SVOP: variants seen among roughly 807,000 people sequenced by gnomAD.
SVOP encodes the protein SV2 related protein.
A neutral mutation model predicts 69.1 loss-of-function variants in SVOP; 17 were observed. The ratio of observed to expected loss-of-function variants is 0.25; its 90% CI spans 0.17 to 0.37. SVOP has a LOEUF of 0.37. Ranked by LOEUF, SVOP falls within the 10% of genes least tolerant of loss-of-function variation. SVOP has a pLI of 1.00. For synonymous variants in SVOP, 238 were observed against 238.6 expected, an observed-to-expected ratio of 1.00 and a Z score of 0.02; for missense variants, 435 against 597.5, an observed-to-expected ratio of 0.73 and a Z score of 2.84.
Position 108,912,445 on chromosome 12 carries a change from T to C in SVOP, c.*90A>G, listed in dbSNP as rs1005039684. ...GTCATACTCTTGGGTGAGTTCTTGA[T>C]GTCGGCAGTGACAATCAGTGCCCCA... On this transcript the variant is annotated 3_prime_UTR_variant, in exon 16 of 16. Transcript: ENST00000610966. 4 of 1,583,312 alleles carry C rather than the reference T, an allele frequency of 2.5e-6. No individual in the cohort carries two copies. The highest frequency in any genetic ancestry group is 2.6e-6 in the Non-Finnish European group (3 of 1,162,606).
intron 3 of SVOP, 44 bp from the exon 4 acceptor site, chr12:108,977,540 G>A (rs749383137): frequency 7.1e-7 from 1 of 1,399,186 alleles, no homozygotes; most frequent in Admixed American, 2.0e-5. Context: ...ATGCTGCTTG[G>A]TGCTGGGGAA....
intron 9 of SVOP, 119 bp from the exon 10 acceptor site, chr12:108,937,456 C>T: frequency 2.1e-6 from 2 of 954,508 alleles, no homozygotes; most frequent in Non-Finnish European, 3.4e-6. Flanking sequence ...AAGTAGGACA[C>T]TGGAGCTCTG....
intron 1 of SVOP, among the ~76,000 whole-genome samples, chr12:109,010,383 A>T (rs2040335331): frequency 6.6e-6 from 1 of 152,216 alleles, no homozygotes; most frequent in Non-Finnish European, 1.5e-5. Flanking sequence ...AGAAGACTTT[A>T]GCTGGGGCTG....
At chr12:108,962,889 T>C (rs1418948895) in intron 5 of SVOP, among the ~76,000 whole-genome samples, 3 of 151,698 alleles carry the variant, frequency 2.0e-5, no homozygotes, top group African/African-American at 4.8e-5. Context: ...TGCTTGAACC[T>C]GGGAGGTGGA....
chr12:109,013,318 G>A (rs2040351992), intron 1 of SVOP, among the ~76,000 whole-genome samples: 1 of 151,854 alleles, frequency 6.6e-6, no homozygotes, highest in South Asian at 2.1e-4. Flanking sequence ...GGTATTGGAG[G>A]ATAGAGGAAG....
Position 108,985,824 on chromosome 12 carries a change from C to T in SVOP, c.36-2063G>A, listed in dbSNP as rs373357942. On this transcript the variant is annotated intron_variant, in intron 1 of 15. Transcript: ENST00000610966. ...TTCAAAATACTGCTATTATTATTAA[C>T]GATTGCATCATTCCATGTATTTCAC... is the stretch of plus-strand genomic sequence containing the variant. Among the ~76,000 whole-genome samples, 150 of 152,282 alleles carry T rather than the reference C, an allele frequency of 9.9e-4. 6 individuals carry two copies. The South Asian group carries it at 0.03, about 31-fold the overall frequency.
intron 1 of SVOP, among the ~76,000 whole-genome samples, chr12:108,991,779 A>C (rs945032025): frequency 1.6e-3 from 53 of 33,036 alleles, no homozygotes; most frequent in Non-Finnish European, 6.7e-3. Flanking sequence ...CTCTACAAAA[A>C]AAAACAAAAA....
rs900733785 is a variant in SVOP, at chr12:108,911,779, G to T, written c.*756C>A. On this transcript the variant is annotated 3_prime_UTR_variant, in exon 16 of 16. Transcript: ENST00000610966. The stretch of plus-strand genomic sequence containing the variant: ...TGGCCTTCGCTGCTTCAGAAGGGGA[G>T]GCCCGTGCTCTGACTTCAGCTTGAT... 1.3e-5 allele frequency: 2 copies of T among 152,392 alleles called. No homozygotes were observed. The highest frequency in any genetic ancestry group is 1.3e-4 in the Admixed American group (2 of 15,290). The allele number at this position is 152,392 out of a possible 1,614,324, so 9.4% of individuals were successfully genotyped here.
intron 6 of SVOP, among the ~76,000 whole-genome samples, chr12:108,950,031 T>C (rs903788079): frequency 6.6e-6 from 1 of 152,176 alleles, no homozygotes; most frequent in East Asian, 1.9e-4. Context: ...TAAGACAATA[T>C]GGAAATCTTT....
intron 5 of SVOP, among the ~76,000 whole-genome samples, chr12:108,968,274 C>T (rs2040058420): frequency 6.6e-6 from 1 of 152,196 alleles, no homozygotes; most frequent in African/African-American, 2.4e-5. Flanking sequence ...GTGAACAAAA[C>T]AAATGCAGCC....
chr12:108,949,600 A>T (rs144221349), intron 6 of SVOP, among the ~76,000 whole-genome samples: 135 of 152,200 alleles, frequency 8.9e-4, no homozygotes, highest in African/African-American at 3.2e-3. Flanking sequence ...TCTATGAAAA[A>T]AATAAATACA....
At chr12:108,927,585 CTCTCTTTT>C (rs1166731521) in intron 11 of SVOP, among the ~76,000 whole-genome samples, 2 of 115,720 alleles carry the variant, frequency 1.7e-5, no homozygotes, top group Non-Finnish European at 3.7e-5. Flanking sequence ...GACTCTCTCT[CTCTCTTTT>C]TTTTTTTTTT....
intron 1 of SVOP, among the ~76,000 whole-genome samples, chr12:109,020,544 C>T (rs1691228945): frequency 6.6e-6 from 1 of 152,182 alleles, no homozygotes. Flanking sequence ...AAGCTCACAT[C>T]TGAAAATCCT....
chr12:108,977,410 T>A lies in SVOP; in HGVS notation c.369A>T (p.Ala123=). 6.5e-7 allele frequency: 1 copy of A among 1,537,138 alleles called. No individual in the cohort carries two copies. Among genetic ancestry groups the A allele is most frequent in the Non-Finnish European group, 8.7e-7 (1 of 1,146,874 alleles). The change falls in exon 4 of 16, where the codon GCA becomes GCT. Residue 123 remains alanine, a synonymous_variant. Coordinates refer to ENST00000610966, the MANE Select transcript of SVOP (RefSeq NM_018711.5). The part of the protein sequence containing the change: ...CEWRLPSWQV[A]LLTSVVFVGM... ...CTGGGCTGCCTACCGAGGTCAGCAATGCCACCTGCCAGCTTGGGAGCCTCC... is the reference window on the plus strand; with the variant it reads ...CTGGGCTGCCTACCGAGGTCAGCAAAGCCACCTGCCAGCTTGGGAGCCTCC...
intron 7 of SVOP, among the ~76,000 whole-genome samples, chr12:108,943,883 CTTCT>C (rs1341556038): frequency 6.9e-6 from 1 of 144,722 alleles, no homozygotes; most frequent in African/African-American, 2.5e-5. Flanking sequence ...TCTTCTTCTT[CTTCT>C]TTCTTTTTTT....
intron 1 of SVOP, among the ~76,000 whole-genome samples, chr12:109,011,495 G>A (rs768521394): frequency 2.6e-5 from 4 of 152,152 alleles, no homozygotes; most frequent in South Asian, 2.1e-4. Context: ...GGTCTCAGGC[G>A]GATGGGAGCC....
chr12:109,004,574 T>A (rs896698338), intron 1 of SVOP, among the ~76,000 whole-genome samples: 25 of 151,216 alleles, frequency 1.7e-4, no homozygotes, highest in African/African-American at 5.8e-4. Flanking sequence ...CTCAGCATAT[T>A]TTTTTTTAAT....
At chr12:108,973,135 C>A (rs2040088427) in intron 4 of SVOP, among the ~76,000 whole-genome samples, 2 of 152,162 alleles carry the variant, frequency 1.3e-5, no homozygotes, top group South Asian at 4.1e-4. Context: ...TCTTCCCTCT[C>A]CAAGTGCCAG....
intron 2 of SVOP, among the ~76,000 whole-genome samples, chr12:108,980,643 A>G (rs2040130662): frequency 7.7e-6 from 1 of 129,288 alleles, no homozygotes; most frequent in Non-Finnish European, 1.7e-5. Context: ...CCAGCTACTC[A>G]GGAGGCTGAG....
Sources: gnomAD v4.1 joint callset for allele counts (sites outside exome capture counted in the v4.1 genomes callset) on GRCh38, gnomAD v4.1.1 for gene constraint, MANE v1.5 for transcripts, NCBI Gene and HGNC (gene_info 2026-07-23, HGNC 2026-07-21) for gene names.